ZNF195: variants seen among roughly 807,000 people sequenced by gnomAD.
ZNF195 encodes the protein hypoxia-regulated factor-1.
Under a neutral mutation model 19.5 loss-of-function variants are expected in ZNF195, and 11 were observed. That is an observed-to-expected ratio of 0.57 (90% CI 0.36 to 0.94). ZNF195 has a LOEUF of 0.94. ZNF195 is among the 40% of genes least tolerant of loss of function. ZNF195 has a pLI of 0.01. For missense variants in ZNF195, 582 were observed against 709.0 expected, an observed-to-expected ratio of 0.82 and a Z score of 2.03; for synonymous variants, 214 against 248.1, an observed-to-expected ratio of 0.86 and a Z score of 1.29.
At chr11:3,378,990 CCA>C in intron 1 of ZNF195, 46 bp downstream of exon 1, 1 of 1,381,740 alleles carries the variant, frequency 7.2e-7, no homozygotes, top group Non-Finnish European at 9.5e-7. Context: ...ACCGCGGGTT[CCA>C]GTCCGCCCCT....
In ZNF195 at chr11:3,371,682, C is replaced by T. The variant is rs1448180549; in HGVS notation, c.25G>A (p.Val9Met). Residue 9 changes from valine (V) to methionine (M), a missense_variant, in exon 2 of 6, where the codon GTG (valine) becomes ATG (methionine). By Grantham distance (21) the Val-to-Met change is conservative (BLOSUM62 1). Around this residue, in one of 3 missense-constraint regions of ZNF195, gnomAD observed 46 missense variants for 66.5 expected, o/e 0.69. Transcript: ENST00000399602. MTLLTFRDVAIEFSLEEWK... is the reference protein window; with the variant it reads MTLLTFRDMAIEFSLEEWK... ...TCCTCCAGGGAGAATTCTATGGCCA[C>T]ATCCCTGAACGTCAACAGAGTCTGA... is the stretch of plus-strand genomic sequence containing the variant. The T allele has an allele frequency of 6.2e-7, 1 of 1,608,468 alleles. No homozygotes were observed. Among genetic ancestry groups the T allele is most frequent in the Non-Finnish European group, 8.5e-7 (1 of 1,177,092 alleles).
At chr11:3,361,523 T>C (rs1466208086) in intron 4 of ZNF195, among the ~76,000 whole-genome samples, 2 of 151,416 alleles carry the variant, frequency 1.3e-5, no homozygotes, top group Non-Finnish European at 2.9e-5. Flanking sequence ...ACATGAAGTA[T>C]GAAAAACAGA....
chr11:3,369,120 A>T (rs1849050184), intron 3 of ZNF195: 2 of 280,960 alleles, frequency 7.1e-6, no homozygotes, highest in Non-Finnish European at 1.4e-5. Flanking sequence ...AAACTTTTGG[A>T]TACTAGGATG....
chr11:3,378,233 C>T (rs1373266918), intron 1 of ZNF195, among the ~76,000 whole-genome samples: 1 of 152,054 alleles, frequency 6.6e-6, no homozygotes, highest in Non-Finnish European at 1.5e-5. Flanking sequence ...TTGATTGAAC[C>T]CGGGAGGCAG....
chr11:3,359,008 C>T lies in ZNF195; in HGVS notation c.*110G>A. ...GACTTATATTTCATGAAAGGTCTTT[C>T]AATAGTAATTACATTTATGATAACT... On this transcript the variant is annotated 3_prime_UTR_variant, in exon 6 of 6. Transcript: ENST00000399602. This position sits in a 1 kb window ranked among gnomAD's most constrained non-coding sequence, Gnocchi z 5.5. 7.6e-7 allele frequency: 1 copy of T among 1,312,514 alleles called. No homozygotes were observed. The highest frequency in any genetic ancestry group is 1.5e-5 in the African/African-American group (1 of 67,386). The allele number at this position is 1,312,514 out of a possible 1,614,324, so 81.3% of individuals were successfully genotyped here.
rs1163902999 is a variant in ZNF195, at chr11:3,379,097, T to C, written c.-57A>G. ...TTCTGGATCTCCCGGTGCCTGCGGG[T>C]CACACGACCTACGGCTAGCAGGGGA... On this transcript the variant is annotated 5_prime_UTR_variant, in exon 1 of 6. Coordinates refer to ENST00000399602, the MANE Select transcript of ZNF195 (RefSeq NM_001130520.3). The C allele has an allele frequency of 1.1e-5, 16 of 1,476,480 alleles. No individual in the cohort carries two copies. Among genetic ancestry groups the C allele is most frequent in the Non-Finnish European group, 1.4e-5 (16 of 1,105,190 alleles). 91.5% of individuals were successfully genotyped at this position (1,476,480 alleles called of 1,614,324 possible). A position where few individuals can be genotyped will look rare whatever the true frequency, so the allele number is the denominator to read the frequency against.
chr11:3,371,058 C>T lies in ZNF195; in HGVS notation c.143G>A (p.Cys48Tyr), dbSNP rs770521516. 2 of 1,613,626 alleles carry T rather than the reference C, an allele frequency of 1.2e-6. No individual in the cohort carries two copies. Among genetic ancestry groups the T allele is most frequent in the East Asian group, 2.2e-5 (1 of 44,882 alleles). ...CAGGCAGGTGATCAGGCCTGGCTTA[C>T]AGACAGTGAGACCTGTTTTATTAGA... The part of the protein sequence containing the change: ...RNLFSVGLTV[C>Y]KPGLITCLEQ... Residue 48 changes from cysteine (C) to tyrosine (Y), a missense_variant, in exon 3 of 6, where the codon TGT becomes TAT. This residue lies in a region of ZNF195 where 46 missense variants were observed against 66.5 expected (regional missense o/e 0.69). Transcript: ENST00000399602.
rs7931660 is a variant in ZNF195 at position 3,379,104 on chromosome 11, A to G, written c.-64T>C. 0.9 allele frequency: 1,306,141 copies of G among 1,456,942 alleles called. 587,256 individuals are homozygous for G. The highest frequency in any genetic ancestry group is 1 in the East Asian group (37,569 of 37,700). The allele number at this position is 1,456,942 out of a possible 1,614,324, so 90.3% of individuals were successfully genotyped here. On this transcript the variant is annotated 5_prime_UTR_variant, in exon 1 of 6. Coordinates refer to ENST00000399602, the MANE Select transcript of ZNF195 (RefSeq NM_001130520.3). Reference sequence around the variant, plus strand: ...TCTCCCGGTGCCTGCGGGTCACACGACCTACGGCTAGCAGGGGACACAGAG... The same window carrying G: ...TCTCCCGGTGCCTGCGGGTCACACGGCCTACGGCTAGCAGGGGACACAGAG...
At chr11:3,377,633 T>C (rs1849529420) in intron 1 of ZNF195, 1 of 1,233,612 alleles carries the variant, frequency 8.1e-7, no homozygotes. Flanking sequence ...AGAGGAAGAG[T>C]AGACCAGGAG....
At chr11:3,367,056 C>T in intron 3 of ZNF195, 1 of 273,572 alleles carries the variant, frequency 3.7e-6, no homozygotes, top group Non-Finnish European at 7.3e-6. Flanking sequence ...TAGAGTGAAA[C>T]TCTGTGTAAA....
rs1277214369 is a variant in ZNF195 at position 3,358,016 on chromosome 11, G to C, written c.*1102C>G. 2 of 152,094 alleles carry C rather than the reference G, an allele frequency of 1.3e-5. No homozygotes were observed. The highest frequency in any genetic ancestry group is 2.9e-5 in the Non-Finnish European group (2 of 68,046). The allele number at this position is 152,094 out of a possible 1,614,324, so 9.4% of individuals were successfully genotyped here. A position where few individuals can be genotyped will look rare whatever the true frequency, so the allele number is the denominator to read the frequency against. ...TTACAGACTATAGCAGGTTTTTATA[G>C]GGCCAGAACTAGGTCGGGGTGCGGG... is the stretch of plus-strand genomic sequence containing the variant. On this transcript the variant is annotated 3_prime_UTR_variant, in exon 6 of 6. Coordinates refer to ENST00000399602, the MANE Select transcript of ZNF195 (RefSeq NM_001130520.3).
At position 3,360,209 on chromosome 11, in the gene ZNF195, T is replaced by C; in HGVS notation, c.799A>G (p.Thr267Ala). 6.2e-7 allele frequency: 1 copy of C among 1,614,070 alleles called. No individual in the cohort carries two copies. The highest frequency in any genetic ancestry group is 8.5e-7 in the Non-Finnish European group (1 of 1,179,992). Residue 267 changes from threonine to alanine, a missense_variant, in exon 6 of 6, where the codon ACT (threonine) becomes GCT (alanine). Physicochemically the swap from Thr to Ala is moderately conservative, Grantham distance 58. This residue lies in a region of ZNF195 where 407 missense variants were observed against 530.5 expected (regional missense o/e 0.77). Coordinates refer to ENST00000399602, the MANE Select transcript of ZNF195 (RefSeq NM_001130520.3). ...SFLTEHQKIH[T>A]GKKFQKCGEC... is the part of the protein sequence containing the mutation. ...CCACATTTTTGGAATTTTTTTCCAGTGTGAATTTTCTGATGTTCAGTTAGG... is the reference window on the plus strand; with the variant it reads ...CCACATTTTTGGAATTTTTTTCCAGCGTGAATTTTCTGATGTTCAGTTAGG...
chr11:3,378,433 A>G (rs369585616), intron 1 of ZNF195, among the ~76,000 whole-genome samples: 43 of 152,324 alleles, frequency 2.8e-4, no homozygotes, highest in African/African-American at 9.4e-4. Context: ...TTGCAGAAAC[A>G]AAATTCAGGC....
chr11:3,362,601 A>G, intron 3 of ZNF195: 1 of 581,152 alleles, frequency 1.7e-6, no homozygotes, highest in Non-Finnish European at 3.1e-6. Context: ...CAAAGAAAAT[A>G]CCTATAAGAC....
intron 1 of ZNF195, among the ~76,000 whole-genome samples, chr11:3,378,403 G>C (rs1169452067): frequency 3.3e-5 from 5 of 151,962 alleles, no homozygotes; most frequent in African/African-American, 1.2e-4. Flanking sequence ...ACTCAGATGC[G>C]TTTCTTGCAA....
Position 3,359,622 on chromosome 11 carries a change from T to G in ZNF195, c.1386A>C (p.Gly462=). ...ATTCTTCACATTGGTAGGGTTTCTC[T>G]CCGGTGTGAATCCTCCTGTGTTCAC... ...HLSEHRRIHT[G]EKPYQCEECG... Residue 462 remains glycine (G), a synonymous_variant, in exon 6 of 6, where the codon GGA becomes GGC. Coordinates refer to ENST00000399602, the MANE Select transcript of ZNF195 (RefSeq NM_001130520.3). This position sits in a 1 kb window ranked among gnomAD's most constrained non-coding sequence, Gnocchi z 5.5. The G allele has an allele frequency of 6.2e-7, 1 of 1,614,076 alleles. No homozygotes were observed. The highest frequency in any genetic ancestry group is 1.1e-5 in the South Asian group (1 of 91,070).
At chr11:3,373,716 A>G in intron 1 of ZNF195, 1 of 1,245,876 alleles carries the variant, frequency 8.0e-7, no homozygotes, top group Non-Finnish European at 1.1e-6. Flanking sequence ...TGCTACCACC[A>G]CAACCATCAA....
At position 3,379,046 on chromosome 11, in the gene ZNF195, G is replaced by A; in HGVS notation, c.-6C>T. 3 of 1,494,450 alleles carry A rather than the reference G, an allele frequency of 2.0e-6. No homozygotes were observed. Among genetic ancestry groups the A allele is most frequent in the Non-Finnish European group, 2.7e-6 (3 of 1,111,768 alleles). The allele number at this position is 1,494,450 out of a possible 1,614,324, so 92.6% of individuals were successfully genotyped here. On this transcript the variant is annotated 5_prime_UTR_variant, in exon 1 of 6. Transcript: ENST00000399602. ...CTGGCCCCTACACTCACCATCTCCT[G>A]GCCTCCAGAGAGCCTGGCGTTTCAC...
Position 3,360,307 on chromosome 11 carries a change from C to G in ZNF195, c.701G>C (p.Arg234Pro), listed in dbSNP as rs376274624. The change falls in exon 6 of 6, where the codon CGT becomes CCT. Residue 234 changes from arginine (R) to proline (P), a missense_variant. Coordinates refer to ENST00000399602, the MANE Select transcript of ZNF195 (RefSeq NM_001130520.3). ...IFDNFSNLHR[R>P]NISNTGEKPF... ...TTTCTCTCCAGTATTACTTATATTA[C>G]GTCTATGTAAATTTGAAAAGTTATC... The G allele has an allele frequency of 1.2e-6, 2 of 1,605,086 alleles. No homozygotes were observed. Among genetic ancestry groups the G allele is most frequent in the African/African-American group, 1.3e-5 (1 of 74,442 alleles).
Sources: gnomAD v4.1 joint callset for allele counts (sites outside exome capture counted in the v4.1 genomes callset) on GRCh38, gnomAD v4.1.1 for gene constraint, gnomAD v4.1.1 regional missense constraint, Gnocchi (gnomAD v3.1) non-coding constraint, MANE v1.5 for transcripts, NCBI Gene and HGNC (gene_info 2026-07-23, HGNC 2026-07-21) for gene names.